DLGAP1: variants seen among roughly 807,000 people sequenced by gnomAD.
The protein encoded by DLGAP1 is DLG associated protein 1.
A neutral mutation model predicts 90.8 loss-of-function variants in DLGAP1; 11 were observed. The ratio of observed to expected loss-of-function variants is 0.12; its 90% confidence interval spans 0.08 to 0.20. The LOEUF is 0.20. DLGAP1 is among the 10% of genes least tolerant of loss of function. DLGAP1 has a pLI of 1.00. For synonymous variants in DLGAP1, 558 were observed against 540.7 expected (o/e 1.03, Z -0.44); for missense variants, 1,050 against 1,333.8 (o/e 0.79, Z 3.31).
chr18:4,438,254 G>A (rs1246436992), intron 1 of DLGAP1, among the ~76,000 whole-genome samples: 1 of 151,954 alleles, frequency 6.6e-6, no homozygotes, highest in Non-Finnish European at 1.5e-5. Flanking sequence ...ATCAACAAAT[G>A]TTGTGAAGTA....
At chr18:4,005,644 T>G (rs9948596) in intron 2 of DLGAP1, among the ~76,000 whole-genome samples, 10,037 of 152,176 alleles carry the variant, frequency 0.066, 956 homozygotes, top group African/African-American at 0.21. Flanking sequence ...ATCCTCTCCC[T>G]CCTGTCAAGT....
At chr18:4,172,344 A>G (rs1230948043) in intron 1 of DLGAP1, among the ~76,000 whole-genome samples, 3 of 152,210 alleles carry the variant, frequency 2.0e-5, no homozygotes, top group Non-Finnish European at 4.4e-5. Context: ...ATAAATGCCA[A>G]TGTTCGTCCC....
intron 7 of DLGAP1, among the ~76,000 whole-genome samples, chr18:3,684,356 A>ATTTTTTT (rs71160911): frequency 3.7e-5 from 4 of 109,268 alleles, no homozygotes; most frequent in African/African-American, 1.5e-4. Flanking sequence ...TGCCTGGCTA[A>ATTTTTTT]TTTTTTTTTT....
At chr18:3,558,561 G>A (rs1205806505) in intron 9 of DLGAP1, among the ~76,000 whole-genome samples, 2 of 152,114 alleles carry the variant, frequency 1.3e-5, no homozygotes, top group Non-Finnish European at 2.9e-5. Flanking sequence ...AACTCTGTTG[G>A]TAGGTGCATA....
intron 7 of DLGAP1, among the ~76,000 whole-genome samples, chr18:3,699,789 T>C (rs1240022444): frequency 1.3e-5 from 2 of 152,202 alleles, no homozygotes; most frequent in African/African-American, 4.8e-5. Flanking sequence ...GTTTTACTTA[T>C]AGGCCCCTGA....
At chr18:4,079,691 A>AATATATATATATAT (rs10597845) in intron 2 of DLGAP1, among the ~76,000 whole-genome samples, 88 of 146,590 alleles carry the variant, frequency 6.0e-4, no homozygotes, top group African/African-American at 2.2e-3. Context: ...ATTGAAATTA[A>AATATATATATATAT]ATATATATAT....
At chr18:3,549,630 C>T (rs1456010174) in intron 9 of DLGAP1, among the ~76,000 whole-genome samples, 2 of 152,144 alleles carry the variant, frequency 1.3e-5, no homozygotes, top group Non-Finnish European at 2.9e-5. Flanking sequence ...CACCCCTGGC[C>T]TCTTTTTCTT....
intron 1 of DLGAP1, among the ~76,000 whole-genome samples, chr18:4,429,296 T>G (rs1460785634): frequency 6.6e-6 from 1 of 152,214 alleles, no homozygotes; most frequent in African/African-American, 2.4e-5. Flanking sequence ...CATAAAGGTA[T>G]TATTGCTGAA....
intron 5 of DLGAP1, among the ~76,000 whole-genome samples, chr18:3,795,114 A>G (rs2065923740): frequency 6.6e-6 from 1 of 152,180 alleles, no homozygotes; most frequent in Non-Finnish European, 1.5e-5. Context: ...CTCCGTGGAC[A>G]TATATAACTC....
At chr18:4,180,814 G>T (rs1323829255) in intron 1 of DLGAP1, among the ~76,000 whole-genome samples, 2 of 152,134 alleles carry the variant, frequency 1.3e-5, no homozygotes, top group African/African-American at 4.8e-5. Flanking sequence ...AAGTAATGGA[G>T]AAACTGGCTT....
intron 3 of DLGAP1, among the ~76,000 whole-genome samples, chr18:3,957,855 G>A (rs2073112727): frequency 6.7e-6 from 1 of 149,530 alleles, no homozygotes; most frequent in South Asian, 2.1e-4. Flanking sequence ...AAGGTACCTT[G>A]TTCAGTGGAG....
At chr18:4,450,345 C>T (rs925449964) in intron 1 of DLGAP1, among the ~76,000 whole-genome samples, 1 of 152,076 alleles carries the variant, frequency 6.6e-6, no homozygotes, top group Non-Finnish European at 1.5e-5. Flanking sequence ...AGTGCCAGTC[C>T]TCCTATCACA....
intron 4 of DLGAP1, among the ~76,000 whole-genome samples, chr18:3,849,619 C>T (rs1437000934): frequency 6.6e-6 from 1 of 152,124 alleles, no homozygotes; most frequent in East Asian, 1.9e-4. Context: ...CATTTCACTG[C>T]CAGAGAACCA....
intron 7 of DLGAP1, among the ~76,000 whole-genome samples, chr18:3,700,542 G>A (rs1478534367): frequency 6.6e-6 from 1 of 152,184 alleles, no homozygotes; most frequent in Non-Finnish European, 1.5e-5. Flanking sequence ...CTCACTGGGA[G>A]CTGCAGACTG....
At chr18:4,434,720 T>A (rs1420488456) in intron 1 of DLGAP1, among the ~76,000 whole-genome samples, 1 of 152,138 alleles carries the variant, frequency 6.6e-6, no homozygotes, top group Non-Finnish European at 1.5e-5. Context: ...CCATGAGATA[T>A]TGCTGGAACC....
At chr18:4,194,352 G>A (rs922775245) in intron 1 of DLGAP1, among the ~76,000 whole-genome samples, 47 of 152,150 alleles carry the variant, frequency 3.1e-4, no homozygotes, top group Admixed American at 5.2e-4. Context: ...TCTTGGTATT[G>A]GTGAAAAATA....
intron 1 of DLGAP1, among the ~76,000 whole-genome samples, chr18:4,286,679 T>C (rs1231279817): frequency 6.6e-6 from 1 of 152,160 alleles, no homozygotes; most frequent in Non-Finnish European, 1.5e-5. Context: ...GTGTTCATGA[T>C]GGAACTAGTT....
At chr18:3,604,825 C>T (rs1255211083) in intron 7 of DLGAP1, among the ~76,000 whole-genome samples, 1 of 152,122 alleles carries the variant, frequency 6.6e-6, no homozygotes, top group Non-Finnish European at 1.5e-5. Context: ...TTAGAAAATG[C>T]AAAATGTTAG....
intron 9 of DLGAP1, among the ~76,000 whole-genome samples, chr18:3,551,459 G>A (rs561795573): frequency 1.1e-4 from 17 of 151,930 alleles, no homozygotes; most frequent in African/African-American, 3.9e-4. Flanking sequence ...ATGTTGGCCA[G>A]ACTGGTCTTG....
Sources: gnomAD v4.1 joint callset for allele counts (sites outside exome capture counted in the v4.1 genomes callset) on GRCh38, gnomAD v4.1.1 for gene constraint, MANE v1.5 for transcripts, NCBI Gene and HGNC (gene_info 2026-07-23, HGNC 2026-07-21) for gene names.